GLRA1: variants seen among roughly 807,000 people sequenced by gnomAD.
GLRA1 encodes the protein glycine receptor alpha 1.
A neutral mutation model predicts 48.3 loss-of-function variants in GLRA1; 37 were observed. That is an observed-to-expected ratio of 0.77 (90% confidence interval 0.59 to 1.01). The LOEUF (loss-of-function observed/expected upper bound fraction) is 1.01, where lower values mean the gene tolerates loss of function less well. GLRA1 is among the 50% of genes least tolerant of loss of function. The pLI is 0.00. For missense variants in GLRA1, 427 were observed against 571.0 expected, an observed-to-expected ratio of 0.75 and a Z score of 2.57; for synonymous variants, 196 against 210.7, an observed-to-expected ratio of 0.93 and a Z score of 0.60.
chr5:151,894,665 C>T (rs1357438315), intron 1 of GLRA1, among the ~76,000 whole-genome samples: 2 of 152,118 alleles, frequency 1.3e-5, no homozygotes, highest in East Asian at 1.9e-4. Context: ...CTTTCATTCC[C>T]CACTGTGTCT....
intron 6 of GLRA1, among the ~76,000 whole-genome samples, chr5:151,854,697 T>G (rs573549093): frequency 3.9e-5 from 6 of 152,310 alleles, no homozygotes; most frequent in African/African-American, 9.6e-5. Context: ...TCTCTCTACT[T>G]TTGCTCTATT....
chr5:151,864,657 C>T (rs1210750179), intron 3 of GLRA1, among the ~76,000 whole-genome samples: 1 of 152,166 alleles, frequency 6.6e-6, no homozygotes, highest in Non-Finnish European at 1.5e-5. Context: ...AGACTTGATG[C>T]CCCAGGCTTC....
chr5:151,853,412 A>AT (rs57264480), intron 6 of GLRA1, among the ~76,000 whole-genome samples: 10,518 of 140,850 alleles, frequency 0.075, 1,017 homozygotes, highest in African/African-American at 0.23. Flanking sequence ...TGCCCAACTA[A>AT]TTTTTTTTTT....
chr5:151,914,491 C>G (rs1259839276), intron 1 of GLRA1, among the ~76,000 whole-genome samples: 1 of 152,144 alleles, frequency 6.6e-6, no homozygotes, highest in Non-Finnish European at 1.5e-5. Flanking sequence ...TCCTGTGTGT[C>G]TGGGGGTTAG....
Position 151,860,269 on chromosome 5 carries a change from G to GA in GLRA1, c.253-262dup, listed in dbSNP as rs555115234. Among the ~76,000 whole-genome samples the GA allele has an allele frequency of 3.9e-4, 59 of 151,970 alleles. 1 individual carries two copies. In the East Asian group the frequency reaches 0.011, roughly 28 times the overall value. Reference sequence around the variant, plus strand: ...TTATGTAAATGTTATTCTTTATTTTGAAAAAAATTAAACTAAAGAAAAATT... The same window carrying GA: ...TTATGTAAATGTTATTCTTTATTTTGAAAAAAAATTAAACTAAAGAAAAATT... On this transcript the variant is annotated intron_variant, in intron 3 of 8. Coordinates refer to ENST00000274576, the MANE Select transcript of GLRA1 (RefSeq NM_000171.4).
chr5:151,867,973 A>G (rs1276915055), intron 3 of GLRA1, among the ~76,000 whole-genome samples: 1 of 152,252 alleles, frequency 6.6e-6, no homozygotes, highest in Non-Finnish European at 1.5e-5. Flanking sequence ...TGGAAGCAGG[A>G]GAAAACAGGT....
At chr5:151,826,279 G>A (rs1697820003) in intron 8 of GLRA1, among the ~76,000 whole-genome samples, 1 of 152,100 alleles carries the variant, frequency 6.6e-6, no homozygotes, top group Admixed American at 6.5e-5. Flanking sequence ...GACCCCTTAA[G>A]TCCAGATTTT....
At chr5:151,872,086 A>G (rs1753499765) in intron 3 of GLRA1, among the ~76,000 whole-genome samples, 1 of 149,752 alleles carries the variant, frequency 6.7e-6, no homozygotes. Flanking sequence ...AAATGCATAC[A>G]TGGGGATTTA....
chr5:151,903,089 C>A (rs1754401934), intron 1 of GLRA1, among the ~76,000 whole-genome samples: 1 of 152,150 alleles, frequency 6.6e-6, no homozygotes, highest in Admixed American at 6.5e-5. Context: ...AAAAGCCAAG[C>A]TGCAATGGAC....
At chr5:151,834,253 A>T (rs926961881) in intron 7 of GLRA1, among the ~76,000 whole-genome samples, 1 of 152,220 alleles carries the variant, frequency 6.6e-6, no homozygotes, top group African/African-American at 2.4e-5. Context: ...AATGCAAAAG[A>T]ATGGAAATCA....
At position 151,892,220 on chromosome 5, in the gene GLRA1, G is replaced by A. The variant is rs147747527; in HGVS notation, c.184+91C>T. On this transcript the variant is annotated intron_variant, in intron 2 of 8. Coordinates refer to ENST00000274576, the MANE Select transcript of GLRA1 (RefSeq NM_000171.4). ...GAAAGAGTCATGGGATTCACACTGCGTATTTACCATCTGCGTGCATTACCA... is the reference window on the plus strand; with the variant it reads ...GAAAGAGTCATGGGATTCACACTGCATATTTACCATCTGCGTGCATTACCA... 7.1e-4 allele frequency: 829 copies of A among 1,164,958 alleles called. 9 individuals carry two copies. The East Asian group carries it at 0.018, about 25-fold the overall frequency. The allele number at this position is 1,164,958 out of a possible 1,614,324, so 72.2% of individuals were successfully genotyped here. A position where few individuals can be genotyped will look rare whatever the true frequency, so the allele number is the denominator to read the frequency against.
chr5:151,924,681 C>G lies in GLRA1; in HGVS notation c.-132G>C, dbSNP rs1486429084. The G allele has an allele frequency of 5.4e-6, 4 of 745,382 alleles. No homozygotes were observed. The African/African-American group carries it at 6.9e-5, about 13-fold the overall frequency. The allele number at this position is 745,382 out of a possible 1,614,324, so 46.2% of individuals were successfully genotyped here. A position where few individuals can be genotyped will look rare whatever the true frequency, so the allele number is the denominator to read the frequency against. The stretch of plus-strand genomic sequence containing the variant: ...TAAAGGGAGGCGGGGAACAGGGGCG[C>G]GGAGGGAGAGCCCCAGGGGAAATTG... On this transcript the variant is annotated 5_prime_UTR_variant, in exon 1 of 9. Transcript: ENST00000274576.
chr5:151,887,444 G>A (rs1482555297), intron 2 of GLRA1, among the ~76,000 whole-genome samples: 1 of 152,194 alleles, frequency 6.6e-6, no homozygotes, highest in Non-Finnish European at 1.5e-5. Context: ...TATAGCAGTT[G>A]CCATTTACTA....
At chr5:151,893,206 C>A (rs376869829) in intron 1 of GLRA1, among the ~76,000 whole-genome samples, 2 of 152,168 alleles carry the variant, frequency 1.3e-5, no homozygotes, top group East Asian at 3.8e-4. Flanking sequence ...ACCCATTCAA[C>A]AAAGTGGCTT....
At chr5:151,915,223 C>T (rs977870989) in intron 1 of GLRA1, among the ~76,000 whole-genome samples, 17 of 152,042 alleles carry the variant, frequency 1.1e-4, no homozygotes, top group Non-Finnish European at 1.0e-4. Context: ...TCAATAAATG[C>T]TAATGATTAT....
intron 1 of GLRA1, among the ~76,000 whole-genome samples, chr5:151,897,312 T>C (rs762862571): frequency 6.6e-6 from 1 of 152,212 alleles, no homozygotes; most frequent in Non-Finnish European, 1.5e-5. Context: ...GGAGCTCTTT[T>C]AGTACCACAA....
intron 1 of GLRA1, among the ~76,000 whole-genome samples, chr5:151,908,622 C>T (rs1041372429): frequency 6.6e-6 from 1 of 152,066 alleles, no homozygotes; most frequent in Admixed American, 6.5e-5. Flanking sequence ...CTCTTTATTA[C>T]TCTGCTTATC....
intron 1 of GLRA1, among the ~76,000 whole-genome samples, chr5:151,904,454 T>C (rs1044616102): frequency 2.7e-4 from 41 of 152,344 alleles, no homozygotes; most frequent in African/African-American, 9.1e-4. Flanking sequence ...TGTATGATCT[T>C]GGGCAAGTCC....
At chr5:151,845,279 C>T (rs546967755) in intron 7 of GLRA1, among the ~76,000 whole-genome samples, 29 of 152,066 alleles carry the variant, frequency 1.9e-4, no homozygotes, top group East Asian at 7.7e-4. Context: ...ATCTAAACCA[C>T]GGCACATAGA....
Sources: gnomAD v4.1 joint callset for allele counts (sites outside exome capture counted in the v4.1 genomes callset) on GRCh38, gnomAD v4.1.1 for gene constraint, MANE v1.5 for transcripts, NCBI Gene and HGNC (gene_info 2026-07-23, HGNC 2026-07-21) for gene names.